CCZ1B: variants seen among roughly 807,000 people sequenced by gnomAD.
CCZ1B encodes the protein CCZ1B vacuolar protein trafficking and biogenesis associated.
In CCZ1B, 25 loss-of-function variants were observed where a neutral mutation model predicts 58.8. The ratio of observed to expected loss-of-function variants is 0.43; its 90% CI spans 0.31 to 0.59. The LOEUF is 0.59. CCZ1B is among the 20% of genes least tolerant of loss of function. CCZ1B has a pLI of 0.12. For synonymous variants in CCZ1B, 66 were observed against 173.2 expected (o/e 0.38, Z 4.86); for missense variants, 180 against 501.5 (o/e 0.36, Z 6.12).
chr7:6,803,960 A>AC (rs1364964331), intron 12 of CCZ1B, among the ~76,000 whole-genome samples: 20 of 145,972 alleles, frequency 1.4e-4, no homozygotes, highest in South Asian at 4.7e-4. Context: ...AAAAAAAAAA[A>AC]AACCCAAAAA....
chr7:6,822,879 A>T (rs973032116), intron 5 of CCZ1B, among the ~76,000 whole-genome samples: 2 of 146,176 alleles, frequency 1.4e-5, no homozygotes, highest in Non-Finnish European at 3.0e-5. Context: ...CTTTTATAAA[A>T]TTTTTTTGTA....
chr7:6,818,403 G>A (rs1783041062), intron 7 of CCZ1B, among the ~76,000 whole-genome samples: 1 of 149,158 alleles, frequency 6.7e-6, no homozygotes, highest in Non-Finnish European at 1.5e-5. Flanking sequence ...ACAAAAATTA[G>A]CCGGGCATGG....
At chr7:6,814,482 C>T (rs991525942) in intron 8 of CCZ1B, among the ~76,000 whole-genome samples, 9 of 149,862 alleles carry the variant, frequency 6.0e-5, no homozygotes, top group East Asian at 3.9e-4. Flanking sequence ...GGTGAAAGTT[C>T]GAGACTCCGT....
intron 14 of CCZ1B, among the ~76,000 whole-genome samples, chr7:6,800,422 A>G (rs1402892474): frequency 7.7e-5 from 11 of 142,304 alleles, no homozygotes; most frequent in African/African-American, 3.0e-4. Flanking sequence ...GCTCTTTGGG[A>G]GGCCAGAGGA....
At chr7:6,822,608 AC>A (rs1256911790) in intron 5 of CCZ1B, among the ~76,000 whole-genome samples, 4 of 148,456 alleles carry the variant, frequency 2.7e-5, no homozygotes, top group African/African-American at 1.0e-4. Flanking sequence ...ATTTCAACTT[AC>A]CCTTAAGTTT....
intron 12 of CCZ1B, among the ~76,000 whole-genome samples, chr7:6,803,976 G>A (rs1402820651): frequency 4.8e-5 from 7 of 144,898 alleles, no homozygotes; most frequent in African/African-American, 1.8e-4. Flanking sequence ...AAAAAACAAC[G>A]TATGAACATT....
In CCZ1B at chr7:6,823,515, CTTTTTTTTT is replaced by C. The variant is rs897480782; in HGVS notation, c.391-164_391-156del. 2.4e-4 allele frequency among the ~76,000 whole-genome samples: 25 copies of C among 104,886 alleles called. 2 individuals carry two copies. The highest frequency in any genetic ancestry group is 1.1e-3 in the Admixed American group (11 of 9,746). The allele number at this position is 104,886 out of a possible 152,430, so 68.8% of individuals were successfully genotyped here. On this transcript the variant is annotated intron_variant, in intron 4 of 14. Transcript: ENST00000316731. ...CGTGCTGAAAAAAAGTGTTTGCGTT[CTTTTTTTTT>C]TTTTTTTTTTTTGAGATGGAGTCTC...
At chr7:6,818,693 GAC>G (rs1175705990) in intron 7 of CCZ1B, among the ~76,000 whole-genome samples, 1 of 63,188 alleles carries the variant, frequency 1.6e-5, no homozygotes, top group Non-Finnish European at 3.1e-5. Context: ...AAGAAAGAAA[GAC>G]AAGAAAGAAA....
chr7:6,804,139 G>A (rs150206564), intron 12 of CCZ1B, among the ~76,000 whole-genome samples: 191 of 149,352 alleles, frequency 1.3e-3, no homozygotes, highest in African/African-American at 4.6e-3. Context: ...GAAAAGATAG[G>A]CATGGCCGGG....
chr7:6,803,686 G>A (rs62441798), intron 12 of CCZ1B, among the ~76,000 whole-genome samples: 36,568 of 138,704 alleles, frequency 0.26, 1,719 homozygotes, highest in Middle Eastern at 0.39. Flanking sequence ...CATATGGGCC[G>A]GGCGCGGTGG....
At chr7:6,814,054 G>C (rs1219693564) in intron 8 of CCZ1B, among the ~76,000 whole-genome samples, 2 of 148,694 alleles carry the variant, frequency 1.3e-5, no homozygotes, top group Non-Finnish European at 3.0e-5. Context: ...CCTGAGGCCG[G>C]AGAATTGTTT....
chr7:6,810,885 G>A (rs1394430713), intron 10 of CCZ1B, among the ~76,000 whole-genome samples: 4 of 149,982 alleles, frequency 2.7e-5, no homozygotes, highest in Non-Finnish European at 5.9e-5. Context: ...GAACCAGAAG[G>A]CTGACCAGAG....
intron 12 of CCZ1B, among the ~76,000 whole-genome samples, chr7:6,804,054 T>G (rs1782800049): frequency 6.6e-6 from 1 of 150,652 alleles, no homozygotes; most frequent in Non-Finnish European, 1.5e-5. Context: ...AGAGCCCATT[T>G]AAAAGCAGGA....
chr7:6,803,692 G>A (rs1414148218), intron 12 of CCZ1B, among the ~76,000 whole-genome samples: 2,002 of 143,408 alleles, frequency 0.014, 2 homozygotes, highest in Admixed American at 0.02. Flanking sequence ...GGCCGGGCGC[G>A]GTGGCTCACG....
At chr7:6,818,264 C>T (rs1317488901) in intron 7 of CCZ1B, among the ~76,000 whole-genome samples, 1 of 149,586 alleles carries the variant, frequency 6.7e-6, no homozygotes, top group East Asian at 1.9e-4. Flanking sequence ...AGAAACGGGG[C>T]TAGGCCAGGT....
intron 6 of CCZ1B, among the ~76,000 whole-genome samples, chr7:6,821,171 G>A (rs1425915643): frequency 6.7e-6 from 1 of 149,682 alleles, no homozygotes; most frequent in Admixed American, 6.6e-5. Flanking sequence ...ACCACGCCCA[G>A]CTAGTTTTTT....
intron 4 of CCZ1B, among the ~76,000 whole-genome samples, 163 bp from the exon 5 acceptor site, chr7:6,823,523 T>C (rs1233869295): frequency 7.1e-6 from 1 of 140,636 alleles, no homozygotes. Context: ...TTCTTTTTTT[T>C]TTTTTTTTTT....
chr7:6,816,516 AAAT>A (rs1484386512), intron 7 of CCZ1B, among the ~76,000 whole-genome samples: 2 of 150,556 alleles, frequency 1.3e-5, no homozygotes, highest in African/African-American at 2.5e-5. Flanking sequence ...TATACTAAGT[AAAT>A]ACATAAGGGT....
Position 6,818,893 on chromosome 7 carries a change from G to C in CCZ1B, c.698+873C>G, listed in dbSNP as rs142624555. 2.0e-5 allele frequency among the ~76,000 whole-genome samples: 3 copies of C among 148,284 alleles called. 1 individual carries two copies. The highest frequency in any genetic ancestry group is 7.7e-5 in the African/African-American group (3 of 38,986). On this transcript the variant is annotated intron_variant, in intron 7 of 14. Transcript: ENST00000316731. ...ATATGCTGGGCAGTCTTGTGCCCAC[G>C]TTGTTCCTACTGCAGGACACAAACC... is the stretch of plus-strand genomic sequence containing the variant.
Sources: gnomAD v4.1 joint callset for allele counts (sites outside exome capture counted in the v4.1 genomes callset) on GRCh38, gnomAD v4.1.1 for gene constraint, MANE v1.5 for transcripts, NCBI Gene and HGNC (gene_info 2026-07-23, HGNC 2026-07-21) for gene names.